The following POFUT3 variants were observed in gnomAD, a reference collection of about 807,000 sequenced individuals.
The protein encoded by POFUT3 is GDP-fucose protein O-fucosyltransferase 3.
the POFUT3 span, among the ~76,000 whole-genome samples, chr8:33,445,802 A>T: frequency 6.6e-6 from 1 of 152,294 alleles, no homozygotes; most frequent in Non-Finnish European, 1.5e-5. Context: ...GTCCCATATG[A>T]CTACCCACAG....
the POFUT3 span, among the ~76,000 whole-genome samples, chr8:33,427,700 A>G: frequency 6.6e-6 from 1 of 152,370 alleles, no homozygotes; most frequent in East Asian, 1.9e-4. Flanking sequence ...TGGCCAGCCA[A>G]TCTACCTAAA....
the POFUT3 span, among the ~76,000 whole-genome samples, chr8:33,417,452 T>TA: frequency 1.3e-5 from 2 of 152,178 alleles, no homozygotes; most frequent in Non-Finnish European, 2.9e-5. Context: ...AACCAGTCCC[T>TA]AGTGCCAAAA....
chr8:33,336,299 C>T, the POFUT3 span, among the ~76,000 whole-genome samples: 2 of 152,118 alleles, frequency 1.3e-5, no homozygotes, highest in Non-Finnish European at 2.9e-5. Flanking sequence ...GGCAGGGGCA[C>T]CCCACCCTAA....
the POFUT3 span, among the ~76,000 whole-genome samples, chr8:33,408,741 G>A: frequency 9.9e-5 from 15 of 152,158 alleles, 1 homozygote; most frequent in African/African-American, 3.6e-4. Flanking sequence ...TCTCTAAACT[G>A]GCAAAACTAA....
the POFUT3 span, among the ~76,000 whole-genome samples, chr8:33,343,057 G>C: frequency 6.6e-6 from 1 of 150,526 alleles, no homozygotes; most frequent in Non-Finnish European, 1.5e-5. Context: ...CAGGCAGTGA[G>C]CCAAGATCGC....
the POFUT3 span, among the ~76,000 whole-genome samples, chr8:33,327,184 T>G: frequency 6.6e-6 from 1 of 152,218 alleles, no homozygotes; most frequent in Non-Finnish European, 1.5e-5. Flanking sequence ...GGGCAAATGA[T>G]GCTGGCCTCG....
chr8:33,411,359 T>C, the POFUT3 span, among the ~76,000 whole-genome samples: 1 of 152,362 alleles, frequency 6.6e-6, no homozygotes, highest in African/African-American at 2.4e-5. Flanking sequence ...ATCTGCTCCC[T>C]AGCAGACCTG....
At chr8:33,432,065 A>C in the POFUT3 span, among the ~76,000 whole-genome samples, 3 of 152,088 alleles carry the variant, frequency 2.0e-5, no homozygotes, top group African/African-American at 7.2e-5. Flanking sequence ...TCTTGAGCCT[A>C]GGAGTATGAG....
At chr8:33,451,461 T>C in the POFUT3 span, among the ~76,000 whole-genome samples, 1 of 152,072 alleles carries the variant, frequency 6.6e-6, no homozygotes, top group South Asian at 2.1e-4. Flanking sequence ...TGTATATGTG[T>C]ATGTATATGT....
chr8:33,386,071 C>A, the POFUT3 span, among the ~76,000 whole-genome samples: 1 of 151,546 alleles, frequency 6.6e-6, no homozygotes, highest in South Asian at 2.1e-4. Flanking sequence ...CGCTTGTAAT[C>A]CCAGCTGCTC....
the POFUT3 span, among the ~76,000 whole-genome samples, chr8:33,404,000 C>G: frequency 1.3e-5 from 2 of 152,072 alleles, no homozygotes; most frequent in Non-Finnish European, 2.9e-5. Context: ...GCACAGCAGA[C>G]AGGCACAGGA....
At chr8:33,384,203 C>T in the POFUT3 span, among the ~76,000 whole-genome samples, 3 of 152,010 alleles carry the variant, frequency 2.0e-5, no homozygotes. Flanking sequence ...TTCCACTGAC[C>T]CATGAACAGG....
the POFUT3 span, among the ~76,000 whole-genome samples, chr8:33,347,661 C>T: frequency 6.6e-6 from 1 of 152,116 alleles, no homozygotes; most frequent in East Asian, 1.9e-4. Flanking sequence ...TGGATTCTGC[C>T]GGGCACTGAG....
the POFUT3 span, among the ~76,000 whole-genome samples, chr8:33,418,905 G>T: frequency 6.6e-6 from 1 of 152,210 alleles, no homozygotes; most frequent in Non-Finnish European, 1.5e-5. Flanking sequence ...TAAAAAGGAT[G>T]AAATCCTGTC....
chr8:33,459,220 A>T, the POFUT3 span, among the ~76,000 whole-genome samples: 1 of 151,990 alleles, frequency 6.6e-6, no homozygotes, highest in Non-Finnish European at 1.5e-5. Flanking sequence ...GGCACCTGTA[A>T]TCCCAGCTAC....
the POFUT3 span, among the ~76,000 whole-genome samples, chr8:33,314,286 C>T: frequency 6.6e-6 from 1 of 152,218 alleles, no homozygotes; most frequent in Non-Finnish European, 1.5e-5. Context: ...TCTCTTCTCA[C>T]TGCCTTGTGA....
chr8:33,409,852 C>G, the POFUT3 span, among the ~76,000 whole-genome samples: 6 of 152,260 alleles, frequency 3.9e-5, no homozygotes, highest in African/African-American at 1.4e-4. Flanking sequence ...TTGCAGTGAG[C>G]GGAGATTGCG....
the POFUT3 span, among the ~76,000 whole-genome samples, chr8:33,323,191 T>G: frequency 1.3e-5 from 2 of 152,196 alleles, no homozygotes; most frequent in Admixed American, 6.5e-5. Flanking sequence ...GAGTCATGAC[T>G]TAGCAGCTGG....
chr8:33,422,455 G>T, the POFUT3 span, among the ~76,000 whole-genome samples: 1 of 136,558 alleles, frequency 7.3e-6, no homozygotes. Flanking sequence ...TGAGGCAAGA[G>T]AATTGCTTGA....
Sources: gnomAD v4.1 joint callset for allele counts (sites outside exome capture counted in the v4.1 genomes callset) on GRCh38, gnomAD v4.1.1 for gene constraint, MANE v1.5 for transcripts, NCBI Gene and HGNC (gene_info 2026-07-23, HGNC 2026-07-21) for gene names.